ALG6: variants seen among roughly 807,000 people sequenced by gnomAD.
ALG6 encodes ALG6 alpha-1,3-glucosyltransferase.
Under a neutral mutation model 66.6 loss-of-function variants are expected in ALG6, and 46 were observed. That is an observed-to-expected ratio of 0.69 (90% CI 0.55 to 0.88). The LOEUF (loss-of-function observed/expected upper bound fraction) is 0.88, where lower values mean the gene tolerates loss of function less well. Among genes scored for constraint, ALG6 ranks in the 40% least tolerant of loss-of-function variants. The probability of loss-of-function intolerance (pLI) is 0.00; values close to 1 mark genes in which losing one functional copy is unlikely to be tolerated. For synonymous variants in ALG6, 185 were observed against 203.7 expected, an observed-to-expected ratio of 0.91 and a Z score of 0.78; for missense variants, 505 against 586.8, an observed-to-expected ratio of 0.86 and a Z score of 1.44.
At chr1:63,399,894 G>A (rs1311375856) in intron 3 of ALG6, among the ~76,000 whole-genome samples, 1 of 151,606 alleles carries the variant, frequency 6.6e-6, no homozygotes, top group Non-Finnish European at 1.5e-5. Context: ...AACTTTTTGG[G>A]TATTGATATA....
intron 4 of ALG6, among the ~76,000 whole-genome samples, chr1:63,403,540 C>A (rs1000750865): frequency 6.6e-6 from 1 of 152,150 alleles, no homozygotes; most frequent in Non-Finnish European, 1.5e-5. Context: ...CACAATATCT[C>A]GTGAACTCAT....
intron 14 of ALG6, among the ~76,000 whole-genome samples, chr1:63,430,596 G>T (rs1644640902): frequency 6.6e-6 from 1 of 152,206 alleles, no homozygotes; most frequent in Admixed American, 6.5e-5. Context: ...CCTAGTGGGT[G>T]TGAGGTGGTA....
chr1:63,404,138 T>C (rs1336072946), intron 4 of ALG6, among the ~76,000 whole-genome samples: 1 of 152,202 alleles, frequency 6.6e-6, no homozygotes, highest in African/African-American at 2.4e-5. Context: ...AGCATATTGC[T>C]TTTTATAAAG....
At position 63,385,184 on chromosome 1, in the gene ALG6, C is replaced by CTTTTTTT. The variant is rs1165046824; in HGVS notation, c.83-11302_83-11296dup. Among the ~76,000 whole-genome samples, 93 of 58,950 alleles carry CTTTTTTT rather than the reference C, an allele frequency of 1.6e-3. 8 individuals carry two copies. The highest frequency in any genetic ancestry group is 2.0e-3 in the Non-Finnish European group (62 of 30,880). The allele number at this position is 58,950 out of a possible 152,430, so 38.7% of individuals were successfully genotyped here. A position where few individuals can be genotyped will look rare whatever the true frequency, so the allele number is the denominator to read the frequency against. On this transcript the variant is annotated intron_variant, in intron 2 of 14. Coordinates refer to ENST00000263440, the MANE Select transcript of ALG6 (RefSeq NM_013339.4). ...TTTTTATTAAGATCTTTTACTTCTT[C>CTTTTTTT]TTTTTTTTTTTTTTTTTTTTTTTTT...
intron 3 of ALG6, among the ~76,000 whole-genome samples, chr1:63,400,521 T>C (rs905572468): frequency 1.3e-5 from 2 of 151,348 alleles, no homozygotes; most frequent in African/African-American, 2.4e-5. Flanking sequence ...TGGGGAGCAC[T>C]GTTATAAATC....
rs543286544 is a variant in ALG6 at position 63,408,111 on chromosome 1, T to C, written c.494+985T>C. ...GTGAGTTGGCAAACTACCACTCATGTCAAGAAATAGAACATTACTAGTATC... is the reference window on the plus strand; with the variant it reads ...GTGAGTTGGCAAACTACCACTCATGCCAAGAAATAGAACATTACTAGTATC... On this transcript the variant is annotated intron_variant, in intron 7 of 14. Coordinates refer to ENST00000263440, the MANE Select transcript of ALG6 (RefSeq NM_013339.4). Among the ~76,000 whole-genome samples, 9 of 152,284 alleles carry C rather than the reference T, an allele frequency of 5.9e-5. No individual in the cohort carries two copies. In the East Asian group the frequency reaches 1.7e-3, roughly 29 times the overall value.
chr1:63,406,242 A>T (rs891411983), intron 5 of ALG6, 75 bp from the exon 6 acceptor site: 3 of 1,274,320 alleles, frequency 2.4e-6, no homozygotes, highest in African/African-American at 2.9e-5. Context: ...TCAATGTTGG[A>T]GGAAGGGAGG....
At position 63,370,764 on chromosome 1, in the gene ALG6, C is replaced by G. The variant is rs559986470; in HGVS notation, c.-207-7C>G. ...CTGAATCTTGATATCTTTTTTTTTC[C>G]CCTTAGGATACTTCTACATAGACAT... On this transcript the variant is annotated splice_region_variant and splice_polypyrimidine_tract_variant and intron_variant, in intron 1 of 14. Coordinates refer to ENST00000263440, the MANE Select transcript of ALG6 (RefSeq NM_013339.4). 2 of 568,510 alleles carry G rather than the reference C, an allele frequency of 3.5e-6. No individual in the cohort carries two copies. The highest frequency in any genetic ancestry group is 4.0e-5 in the South Asian group (2 of 49,410). 35.2% of individuals were successfully genotyped at this position (568,510 alleles called of 1,614,324 possible). A position where few individuals can be genotyped will look rare whatever the true frequency, so the allele number is the denominator to read the frequency against.
chr1:63,396,254 G>A, intron 2 of ALG6, among the ~76,000 whole-genome samples: 1 of 152,132 alleles, frequency 6.6e-6, no homozygotes, highest in Non-Finnish European at 1.5e-5. Flanking sequence ...TATTCCAGTA[G>A]TCTGCAGTAG....
chr1:63,431,047 A>G (rs967660113), intron 14 of ALG6, among the ~76,000 whole-genome samples: 1 of 151,962 alleles, frequency 6.6e-6, no homozygotes, highest in Non-Finnish European at 1.5e-5. Context: ...CTTTGAGTTA[A>G]TATTGTATAT....
At chr1:63,408,775 C>T (rs886141470) in intron 7 of ALG6, among the ~76,000 whole-genome samples, 2 of 152,136 alleles carry the variant, frequency 1.3e-5, no homozygotes. Context: ...TGTAAGGATA[C>T]ATTTTTTTCT....
intron 12 of ALG6, among the ~76,000 whole-genome samples, chr1:63,425,301 A>T (rs1644609425): frequency 6.6e-6 from 1 of 152,140 alleles, no homozygotes; most frequent in Non-Finnish European, 1.5e-5. Context: ...TGTCATTGGG[A>T]AAGGGAGATG....
chr1:63,400,255 GTATATATATA>G (rs1293021518), intron 3 of ALG6, among the ~76,000 whole-genome samples: 1 of 2,630 alleles, frequency 3.8e-4, no homozygotes, highest in Non-Finnish European at 5.2e-4. Flanking sequence ...GTATATATAT[GTATATATATA>G]TACGTATATA....
At chr1:63,436,341 C>T (rs1644678282) in intron 14 of ALG6, among the ~76,000 whole-genome samples, 1 of 152,078 alleles carries the variant, frequency 6.6e-6, no homozygotes, top group South Asian at 2.1e-4. Context: ...TTAAAATGTA[C>T]ATTAATGTTA....
At chr1:63,371,585 C>T (rs1647927671) in intron 2 of ALG6, among the ~76,000 whole-genome samples, 1 of 151,940 alleles carries the variant, frequency 6.6e-6, no homozygotes, top group Admixed American at 6.6e-5. Flanking sequence ...ACTCAGAGGG[C>T]CCACATTTTA....
At position 63,373,245 on chromosome 1, in the gene ALG6, G is replaced by A. The variant is rs1024336637; in HGVS notation, c.82+2186G>A. 5.3e-5 allele frequency among the ~76,000 whole-genome samples: 8 copies of A among 151,352 alleles called. 1 individual carries two copies. The highest frequency in any genetic ancestry group is 1.9e-4 in the African/African-American group (8 of 41,290). On this transcript the variant is annotated intron_variant, in intron 2 of 14. Transcript: ENST00000263440. ...TGGTCTTGAACTCCTGAGCTCAAGT[G>A]ATCTGCCTGCCCCAGCCTCCCAAAG...
intron 3 of ALG6, among the ~76,000 whole-genome samples, chr1:63,399,036 C>T (rs1644430371): frequency 6.6e-6 from 1 of 152,116 alleles, no homozygotes. Context: ...AGCTGGGCTG[C>T]AGACTTATCA....
At chr1:63,429,233 A>G in intron 14 of ALG6, 107 bp downstream of exon 14, 2 of 828,008 alleles carry the variant, frequency 2.4e-6, no homozygotes, top group South Asian at 3.3e-5. Context: ...TAATTCACAT[A>G]AATCCACTCA....
At chr1:63,429,886 T>C (rs1267486108) in intron 14 of ALG6, 1 of 152,240 alleles carries the variant, frequency 6.6e-6, no homozygotes, top group East Asian at 1.9e-4. Flanking sequence ...TGTGTGTGTA[T>C]TTATTTATTT....
Sources: allele counts gnomAD v4.1 joint callset (sites outside exome capture counted in the v4.1 genomes callset), GRCh38; gene constraint gnomAD v4.1.1; transcripts MANE v1.5; gene names NCBI Gene and HGNC (gene_info 2026-07-23, HGNC 2026-07-21).